Variants in ZNF727 observed in about 807,000 individuals in gnomAD.
ZNF727 encodes zinc finger protein 727.
In ZNF727, 11 loss-of-function variants were observed where a neutral mutation model predicts 11.5. That is an observed-to-expected ratio of 0.95 (90% CI 0.60 to 1.58). ZNF727 has a LOEUF of 1.58. ZNF727 is among the 40% of genes most tolerant of loss of function. ZNF727 has a pLI of 0.00. For missense variants in ZNF727, 533 were observed against 581.7 expected (o/e 0.92, Z 0.86); for synonymous variants, 171 against 196.1 (o/e 0.87, Z 1.07).
chr7:64,080,807 T>C lies in ZNF727; in HGVS notation c.*2258T>C, dbSNP rs935690872. Among the ~76,000 whole-genome samples, 2 of 152,134 alleles carry C rather than the reference T, an allele frequency of 1.3e-5. No individual in the cohort carries two copies. Among genetic ancestry groups the C allele is most frequent in the Non-Finnish European group, 2.9e-5 (2 of 68,026 alleles). The stretch of plus-strand genomic sequence containing the variant: ...TGGTTTTTTGGATCCTATTTGATGG[T>C]CTTGAGTATTTGATTGTGGTAAAAG... On this transcript the variant is annotated 3_prime_UTR_variant, in exon 4 of 4. Transcript: ENST00000456806.
At chr7:64,053,958 T>G (rs1222132997) in intron 1 of ZNF727, among the ~76,000 whole-genome samples, 1 of 152,190 alleles carries the variant, frequency 6.6e-6, no homozygotes, top group Non-Finnish European at 1.5e-5. Flanking sequence ...TGTTAATAGA[T>G]TATGTGTATC....
chr7:64,069,073 T>C (rs1584151792), intron 2 of ZNF727, 56 bp downstream of exon 2: 1 of 443,270 alleles, frequency 2.3e-6, no homozygotes, highest in Non-Finnish European at 3.3e-6. Context: ...TTATTTCCTC[T>C]TTTTTTTTTT....
chr7:64,064,229 C>T (rs1034851205), intron 1 of ZNF727, among the ~76,000 whole-genome samples: 1 of 152,160 alleles, frequency 6.6e-6, no homozygotes, highest in African/African-American at 2.4e-5. Flanking sequence ...GCTTGGATTG[C>T]ACTGCACTAG....
At chr7:64,064,967 C>G (rs894569461) in intron 1 of ZNF727, among the ~76,000 whole-genome samples, 3 of 152,170 alleles carry the variant, frequency 2.0e-5, no homozygotes, top group African/African-American at 7.2e-5. Context: ...TTGTTACCCT[C>G]TTCAGTGCCT....
At chr7:64,052,269 G>A (rs370801973) in intron 1 of ZNF727, among the ~76,000 whole-genome samples, 22 of 152,064 alleles carry the variant, frequency 1.4e-4, no homozygotes, top group African/African-American at 5.3e-4. Flanking sequence ...AAGACCCTGT[G>A]ATACTGGTAC....
rs751879359 is a variant in ZNF727 at position 64,045,468 on chromosome 7, G to T, written c.-154G>T. The T allele has an allele frequency of 1.8e-6, 2 of 1,090,322 alleles. No individual in the cohort carries two copies. The highest frequency in any genetic ancestry group is 1.6e-5 in the African/African-American group (1 of 64,018). 67.5% of individuals were successfully genotyped at this position (1,090,322 alleles called of 1,614,324 possible). A position where few individuals can be genotyped will look rare whatever the true frequency, so the allele number is the denominator to read the frequency against. ...AATATGGCAAGGCCTTCGTCTCCTAGCTTCTAGGCTCTGAGTCCAGTACCC... is the reference window on the plus strand; with the variant it reads ...AATATGGCAAGGCCTTCGTCTCCTATCTTCTAGGCTCTGAGTCCAGTACCC... On this transcript the variant is annotated 5_prime_UTR_variant, in exon 1 of 4. Coordinates refer to ENST00000456806, the MANE Select transcript of ZNF727 (RefSeq NM_001159522.3).
At position 64,045,494 on chromosome 7, in the gene ZNF727, G is replaced by C. The variant is rs1789486315; in HGVS notation, c.-128G>C. The stretch of plus-strand genomic sequence containing the variant: ...CTTCTAGGCTCTGAGTCCAGTACCC[G>C]TCTGTACTATTCCATCTCTTCCGCT... On this transcript the variant is annotated 5_prime_UTR_variant, in exon 1 of 4. Transcript: ENST00000456806. The C allele has an allele frequency of 7.7e-7, 1 of 1,290,468 alleles. No homozygotes were observed. Among genetic ancestry groups the C allele is most frequent in the Admixed American group, 2.0e-5 (1 of 50,630 alleles). 79.9% of individuals were successfully genotyped at this position (1,290,468 alleles called of 1,614,324 possible).
In ZNF727 at chr7:64,085,157, G is replaced by A. The variant is rs1785853491; in HGVS notation, c.*6608G>A. Among the ~76,000 whole-genome samples, 1 of 151,980 alleles carries A rather than the reference G, an allele frequency of 6.6e-6. No homozygotes were observed. The highest frequency in any genetic ancestry group is 2.1e-4 in the South Asian group (1 of 4,822). ...TGAAAGTGACTGATAAAATTTAATG[G>A]TGTTCATAAAATAATTTTCACATGT... On this transcript the variant is annotated 3_prime_UTR_variant, in exon 4 of 4. Coordinates refer to ENST00000456806, the MANE Select transcript of ZNF727 (RefSeq NM_001159522.3).
chr7:64,052,883 C>A (rs1789624934), intron 1 of ZNF727, among the ~76,000 whole-genome samples: 1 of 152,116 alleles, frequency 6.6e-6, no homozygotes, highest in Admixed American at 6.5e-5. Context: ...TTGCGTGAGA[C>A]CTGTAGCCCC....
At chr7:64,076,855 T>G (rs1785673764) in intron 3 of ZNF727, among the ~76,000 whole-genome samples, 1 of 152,166 alleles carries the variant, frequency 6.6e-6, no homozygotes. Flanking sequence ...TTCAACACTG[T>G]CATGGAATAC....
At chr7:64,058,201 G>T (rs1214699222) in intron 1 of ZNF727, among the ~76,000 whole-genome samples, 1 of 152,122 alleles carries the variant, frequency 6.6e-6, no homozygotes, top group Non-Finnish European at 1.5e-5. Flanking sequence ...GAAAAGGGAG[G>T]TTCTGCTCTA....
chr7:64,076,801 A>G (rs1785667548), intron 3 of ZNF727, among the ~76,000 whole-genome samples: 1 of 152,122 alleles, frequency 6.6e-6, no homozygotes, highest in Non-Finnish European at 1.5e-5. Context: ...ATGACACTGA[A>G]GTGTCTCTGC....
Position 64,078,651 on chromosome 7 carries a change from C to A in ZNF727, c.*102C>A. ...CAAGAGAATTCATACTGGAGAGAAA[C>A]CCTACATTTGTGAAGAATGTGGCAA... On this transcript the variant is annotated 3_prime_UTR_variant, in exon 4 of 4. Transcript: ENST00000456806. 1 of 1,364,298 alleles carries A rather than the reference C, an allele frequency of 7.3e-7. No homozygotes were observed. The highest frequency in any genetic ancestry group is 1.8e-5 in the Admixed American group (1 of 57,084). 84.5% of individuals were successfully genotyped at this position (1,364,298 alleles called of 1,614,324 possible).
At chr7:64,059,037 C>T (rs569061152) in intron 1 of ZNF727, among the ~76,000 whole-genome samples, 5 of 151,834 alleles carry the variant, frequency 3.3e-5, no homozygotes, top group South Asian at 2.1e-4. Context: ...CTCCGCCTCC[C>T]GGGTTCAAGT....
At chr7:64,054,142 G>A (rs1348747549) in intron 1 of ZNF727, among the ~76,000 whole-genome samples, 7 of 152,128 alleles carry the variant, frequency 4.6e-5, no homozygotes, top group Admixed American at 3.9e-4. Flanking sequence ...GCTTCTGCTT[G>A]CAACGAAAGC....
intron 3 of ZNF727, among the ~76,000 whole-genome samples, chr7:64,070,570 TAATG>T (rs1384358778): frequency 6.6e-6 from 1 of 152,044 alleles, no homozygotes; most frequent in Admixed American, 6.6e-5. Context: ...TCTGTATACA[TAATG>T]AAATGATTAA....
intron 1 of ZNF727, among the ~76,000 whole-genome samples, chr7:64,057,557 G>C (rs1789705031): frequency 6.6e-6 from 1 of 152,046 alleles, no homozygotes; most frequent in Non-Finnish European, 1.5e-5. Context: ...GGCCTGTCAG[G>C]GGGCGGGGAG....
chr7:64,057,965 A>T (rs371805130), intron 1 of ZNF727, among the ~76,000 whole-genome samples: 5 of 152,250 alleles, frequency 3.3e-5, no homozygotes, highest in Non-Finnish European at 5.9e-5. Context: ...TTGATTTGTT[A>T]ATTTTCCAAC....
At chr7:64,070,996 A>G (rs923773567) in intron 3 of ZNF727, among the ~76,000 whole-genome samples, 4 of 151,654 alleles carry the variant, frequency 2.6e-5, no homozygotes, top group Non-Finnish European at 5.9e-5. Context: ...TATATATACC[A>G]TGTTTTTTTT....
Sources: gnomAD v4.1 joint callset for allele counts (sites outside exome capture counted in the v4.1 genomes callset) on GRCh38, gnomAD v4.1.1 for gene constraint, MANE v1.5 for transcripts, NCBI Gene and HGNC (gene_info 2026-07-23, HGNC 2026-07-21) for gene names.